Variants in GLCE observed in about 807,000 individuals in gnomAD.
The protein encoded by GLCE is glucuronic acid epimerase.
A neutral mutation model predicts 47.9 loss-of-function variants in GLCE; 19 were observed. The observed-to-expected ratio is 0.40, with a 90% CI of 0.28 to 0.58. The LOEUF (loss-of-function observed/expected upper bound fraction) is 0.58, where lower values mean the gene tolerates loss of function less well. Among genes scored for constraint, GLCE ranks in the 20% least tolerant of loss-of-function variants. The pLI is 0.48. For missense variants in GLCE, 556 were observed against 743.3 expected (o/e 0.75, Z 2.93); for synonymous variants, 245 against 263.4 (o/e 0.93, Z 0.68).
At chr15:69,235,090 A>AATCTTTTTTTTTTTTTT (rs1163529945) in intron 2 of GLCE, among the ~76,000 whole-genome samples, 3 of 82,488 alleles carry the variant, frequency 3.6e-5, no homozygotes, top group Non-Finnish European at 4.6e-5. Context: ...GATGAAGATT[A>AATCTTTTTTTTTTTTTT]TTCTTTTTTT....
chr15:69,250,448 A>G (rs2052822991), intron 2 of GLCE, among the ~76,000 whole-genome samples: 1 of 152,150 alleles, frequency 6.6e-6, no homozygotes, highest in African/African-American at 2.4e-5. Context: ...CAAATTTTTA[A>G]CTGACTTACA....
chr15:69,222,313 C>G (rs1595763896), intron 2 of GLCE, among the ~76,000 whole-genome samples: 1 of 152,092 alleles, frequency 6.6e-6, no homozygotes, highest in Admixed American at 6.6e-5. Flanking sequence ...CTGGCAGGGG[C>G]ACCATGGGTG....
At chr15:69,166,978 G>A (rs1187830982) in intron 1 of GLCE, among the ~76,000 whole-genome samples, 1 of 150,494 alleles carries the variant, frequency 6.6e-6, no homozygotes, top group African/African-American at 2.4e-5. Flanking sequence ...CACTTTGGGA[G>A]GCTGAAGCAG....
At chr15:69,190,185 TAGTG>T (rs1338172842) in intron 1 of GLCE, among the ~76,000 whole-genome samples, 3 of 152,082 alleles carry the variant, frequency 2.0e-5, no homozygotes, top group Non-Finnish European at 4.4e-5. Flanking sequence ...CCTTGAAACT[TAGTG>T]AGAATGTTTT....
intron 3 of GLCE, among the ~76,000 whole-genome samples, chr15:69,258,842 T>A (rs2052972675): frequency 1.3e-5 from 2 of 152,182 alleles, no homozygotes; most frequent in South Asian, 2.1e-4. Flanking sequence ...ATATTTCCAT[T>A]TTTTTGCTAT....
intron 1 of GLCE, among the ~76,000 whole-genome samples, chr15:69,201,087 A>G (rs1566954338): frequency 6.6e-6 from 1 of 151,682 alleles, no homozygotes. Flanking sequence ...TTTGATTTAA[A>G]CTCTCTGATC....
intron 2 of GLCE, among the ~76,000 whole-genome samples, chr15:69,239,385 A>G (rs1231089590): frequency 6.6e-6 from 1 of 152,200 alleles, no homozygotes; most frequent in African/African-American, 2.4e-5. Context: ...TGATGAGCAC[A>G]TAGCTGCATA....
At chr15:69,168,683 C>T (rs1218209032) in intron 1 of GLCE, among the ~76,000 whole-genome samples, 4 of 152,070 alleles carry the variant, frequency 2.6e-5, no homozygotes, top group Non-Finnish European at 5.9e-5. Context: ...CATGCATGTG[C>T]CACCACTCCC....
intron 3 of GLCE, among the ~76,000 whole-genome samples, chr15:69,258,134 C>T (rs1166303794): frequency 1.3e-5 from 2 of 151,950 alleles, no homozygotes; most frequent in Admixed American, 1.3e-4. Flanking sequence ...TTTTTCTGAT[C>T]CTCGCCCGCC....
chr15:69,170,785 G>A (rs1223070023), intron 1 of GLCE, among the ~76,000 whole-genome samples: 1 of 152,212 alleles, frequency 6.6e-6, no homozygotes, highest in African/African-American at 2.4e-5. Context: ...TGTAAGACAA[G>A]TGGCCTTAGC....
intron 1 of GLCE, among the ~76,000 whole-genome samples, chr15:69,208,101 T>C (rs942237395): frequency 6.6e-6 from 1 of 152,052 alleles, no homozygotes; most frequent in South Asian, 2.1e-4. Flanking sequence ...CTTGTCCTTA[T>C]GTTATGTTAA....
At chr15:69,235,490 C>T (rs930106753) in intron 2 of GLCE, among the ~76,000 whole-genome samples, 1 of 152,092 alleles carries the variant, frequency 6.6e-6, no homozygotes, top group African/African-American at 2.4e-5. Flanking sequence ...TGAGTGCCTA[C>T]TGTGTGGTAG....
At chr15:69,216,079 A>G (rs2052303035) in intron 2 of GLCE, among the ~76,000 whole-genome samples, 1 of 152,148 alleles carries the variant, frequency 6.6e-6, no homozygotes, top group East Asian at 1.9e-4. Context: ...ATAGTTTTAT[A>G]TAGGTGAGTA....
intron 1 of GLCE, among the ~76,000 whole-genome samples, chr15:69,190,633 C>G (rs1217744691): frequency 6.6e-6 from 1 of 152,054 alleles, no homozygotes; most frequent in Non-Finnish European, 1.5e-5. Context: ...AGTTAACAAT[C>G]CTTTAACCTT....
intron 2 of GLCE, among the ~76,000 whole-genome samples, chr15:69,215,490 G>C (rs1196369603): frequency 6.6e-6 from 1 of 151,616 alleles, no homozygotes; most frequent in African/African-American, 2.4e-5. Context: ...CATCTGGGTT[G>C]TTTGCAGTTT....
intron 2 of GLCE, among the ~76,000 whole-genome samples, chr15:69,243,819 T>TTA (rs964530305): frequency 8.5e-6 from 1 of 118,256 alleles, no homozygotes; most frequent in Non-Finnish European, 1.9e-5. Flanking sequence ...ATAATTTTTT[T>TTA]AAAAAAAAAG....
At chr15:69,224,529 C>T (rs950903606) in intron 2 of GLCE, among the ~76,000 whole-genome samples, 6 of 152,140 alleles carry the variant, frequency 3.9e-5, no homozygotes, top group Admixed American at 6.5e-5. Context: ...CTTGCAACAC[C>T]GGGAGGAGGT....
At chr15:69,232,918 A>T (rs775420702) in intron 2 of GLCE, among the ~76,000 whole-genome samples, 13 of 152,264 alleles carry the variant, frequency 8.5e-5, no homozygotes, top group Non-Finnish European at 1.8e-4. Context: ...ACTAAATGAG[A>T]GTATTTCTGT....
intron 1 of GLCE, among the ~76,000 whole-genome samples, chr15:69,206,099 CT>C (rs1290950126): frequency 2.6e-5 from 4 of 152,214 alleles, no homozygotes; most frequent in African/African-American, 9.6e-5. Flanking sequence ...CTCCCTAAAT[CT>C]CCTATAGTCT....
Sources: gnomAD v4.1 joint callset for allele counts (sites outside exome capture counted in the v4.1 genomes callset) on GRCh38, gnomAD v4.1.1 for gene constraint, MANE v1.5 for transcripts, NCBI Gene and HGNC (gene_info 2026-07-23, HGNC 2026-07-21) for gene names.